The following PIF1 variants were observed in gnomAD, a reference collection of about 807,000 sequenced individuals.
The protein encoded by PIF1 is PIF1 5'-to-3' DNA helicase.
A neutral mutation model predicts 62.3 loss-of-function variants in PIF1; 67 were observed. That is an observed-to-expected ratio of 1.08 (90% CI 0.88 to 1.32). The LOEUF (loss-of-function observed/expected upper bound fraction) is 1.32. PIF1 is among the 40% of genes most tolerant of loss of function. The probability of loss-of-function intolerance (pLI) is 0.00; values close to 1 mark genes in which losing one functional copy is unlikely to be tolerated. For missense variants in PIF1, 886 were observed against 866.1 expected (o/e 1.02, Z -0.29); for synonymous variants, 364 against 379.5 (o/e 0.96, Z 0.47).
At chr15:64,819,782 C>CT (rs2084257253) in intron 8 of PIF1, 65 bp downstream of exon 8, 1 of 1,600,354 alleles carries the variant, frequency 6.2e-7, no homozygotes, top group African/African-American at 1.3e-5. Flanking sequence ...CCCAGGTTGC[C>CT]TGGGGGCTAC....
Position 64,816,756 on chromosome 15 carries a change from G to C in PIF1, c.1684C>G (p.Leu562Val), listed in dbSNP as rs773652317. 3 of 1,597,772 alleles carry C rather than the reference G, an allele frequency of 1.9e-6. No homozygotes were observed. The highest frequency in any genetic ancestry group is 1.3e-5 in the African/African-American group (1 of 74,254). ...CCCAGAGAAATCTCCACACAATCCAGGGTCATGCCCTGGGGGATGCAGGGA... is the reference window on the plus strand; with the variant it reads ...CCCAGAGAAATCTCCACACAATCCACGGTCATGCCCTGGGGGATGCAGGGA... Reference protein sequence around the residue: ...MSIHKSQGMTLDCVEISLGRV... With the variant: ...MSIHKSQGMTVDCVEISLGRV... The change falls in exon 12 of 13, where the codon CTG becomes GTG. Residue 562 changes from leucine (L) to valine (V), a missense_variant. Coordinates refer to ENST00000559239, the MANE Select transcript of PIF1 (RefSeq NM_001286496.2).
At position 64,819,962 on chromosome 15, in the gene PIF1, C is replaced by G. The variant is rs778372855; in HGVS notation, c.1218G>C (p.Gln406His). The G allele has an allele frequency of 3.7e-6, 6 of 1,613,956 alleles. No homozygotes were observed. The African/African-American group carries it at 8.0e-5, about 22-fold the overall frequency. The change falls in exon 8 of 13, where the codon CAG (glutamine) becomes CAC (histidine). Residue 406 changes from glutamine (Q) to histidine (H), a missense_variant. Physicochemically the swap from Gln to His is conservative, Grantham distance 24. Coordinates refer to ENST00000559239, the MANE Select transcript of PIF1 (RefSeq NM_001286496.2). ...CCTTGTGGGAAGCTGTGGCCTGGAG[C>G]TGGCGGGTCACCTCATCTGAACACC... ...LGRCSDEVTRQLQATASHKVG... is the reference protein window; with the variant it reads ...LGRCSDEVTRHLQATASHKVG...
At position 64,821,313 on chromosome 15, in the gene PIF1, C is replaced by T. The variant is rs375754360; in HGVS notation, c.972-32G>A. 3.0e-4 allele frequency: 487 copies of T among 1,613,992 alleles called. 1 individual carries two copies. The highest frequency in any genetic ancestry group is 4.0e-4 in the Non-Finnish European group (477 of 1,179,958). ...AGGAGCGTGGGGTGCTTTAGGGGCACACAGAAGACCACCAGGTCCCAGTTC... is the reference window on the plus strand; with the variant it reads ...AGGAGCGTGGGGTGCTTTAGGGGCATACAGAAGACCACCAGGTCCCAGTTC... On this transcript the variant is annotated intron_variant, in intron 5 of 12. Transcript: ENST00000559239.
chr15:64,821,245 G>A lies in PIF1; in HGVS notation c.1008C>T (p.Ile336=), dbSNP rs999642741. Residue 336 remains isoleucine, a synonymous_variant, in exon 6 of 13, where the codon ATC becomes ATT. Transcript: ENST00000559239. ...GAAAGTCCCCACAGATGATGAGCTG[G>A]ATCCCTCCGAATGGCTTGTTCTGCT... is the stretch of plus-strand genomic sequence containing the variant. ...VRQQNKPFGG[I]QLIICGDFLQ... 4 of 1,614,130 alleles carry A rather than the reference G, an allele frequency of 2.5e-6. No homozygotes were observed. The highest frequency in any genetic ancestry group is 8.5e-7 in the Non-Finnish European group (1 of 1,180,056).
intron 5 of PIF1, 31 bp from the exon 6 acceptor site, chr15:64,821,312 A>G: frequency 6.2e-7 from 1 of 1,614,112 alleles, no homozygotes; most frequent in Non-Finnish European, 8.5e-7. Flanking sequence ...CTTTAGGGGC[A>G]CACAGAAGAC....
At position 64,816,124 on chromosome 15, in the gene PIF1, T is replaced by G; in HGVS notation, c.*174A>C. The G allele has an allele frequency of 6.8e-7, 1 of 1,462,264 alleles. No individual in the cohort carries two copies. Among genetic ancestry groups the G allele is most frequent in the Non-Finnish European group, 9.0e-7 (1 of 1,112,962 alleles). The allele number at this position is 1,462,264 out of a possible 1,614,324, so 90.6% of individuals were successfully genotyped here. On this transcript the variant is annotated 3_prime_UTR_variant, in exon 13 of 13. Coordinates refer to ENST00000559239, the MANE Select transcript of PIF1 (RefSeq NM_001286496.2). ...GAGAGAAACTGAAGCACAGCTGGTA[T>G]ATGGGTTTAAAGTACTCTCCCTTTA...
chr15:64,816,551 A>C, intron 12 of PIF1, 23 bp downstream of exon 12: 3 of 1,611,010 alleles, frequency 1.9e-6, no homozygotes, highest in Non-Finnish European at 2.5e-6. Flanking sequence ...GCCACAGCCC[A>C]CCACTGGATG....
upstream of PIF1, among the ~76,000 whole-genome samples, chr15:64,826,657 T>C (rs1405187155): frequency 7.8e-4 from 36 of 46,176 alleles, 2 homozygotes; most frequent in African/African-American, 1.1e-3. Context: ...TATATATATA[T>C]ATATATATAC....
At chr15:64,821,982 C>T (rs900404460) in intron 4 of PIF1, 48 of 397,370 alleles carry the variant, frequency 1.2e-4, no homozygotes, top group African/African-American at 7.6e-4. Context: ...CCTTGTGATC[C>T]GCCTGCCTCG....
At chr15:64,821,565 CTTTTT>C (rs56305637) in intron 4 of PIF1, 45 bp from the exon 5 acceptor site, 123,786 of 1,209,090 alleles carry the variant, frequency 0.1, 197 homozygotes, top group Non-Finnish European at 0.11. Flanking sequence ...CAAAGCCTCT[CTTTTT>C]TTTTTTTTTT....
chr15:64,826,661 TATATACAC>T (rs1312057903), upstream of PIF1, among the ~76,000 whole-genome samples: 725 of 26,462 alleles, frequency 0.027, 9 homozygotes, highest in African/African-American at 0.071. Context: ...TATATATATA[TATATACAC>T]ACACACACAC....
chr15:64,819,725 A>G (rs1595814162), intron 8 of PIF1, 122 bp downstream of exon 8: 1 of 1,331,114 alleles, frequency 7.5e-7, no homozygotes, highest in East Asian at 2.4e-5. Flanking sequence ...ATTTGCAAAT[A>G]TGAGGGCCTT....
chr15:64,820,963 C>T lies in PIF1; in HGVS notation c.1193+19G>A, dbSNP rs1489163521. Reference sequence around the variant, plus strand: ...TGGATCCTCATCCCATAGCCCCTTCCCCAACCAGCAGAGCTCACCTGCCTA... The same window carrying T: ...TGGATCCTCATCCCATAGCCCCTTCTCCAACCAGCAGAGCTCACCTGCCTA... On this transcript the variant is annotated intron_variant, in intron 7 of 12. Coordinates refer to ENST00000559239, the MANE Select transcript of PIF1 (RefSeq NM_001286496.2). 1 of 1,608,570 alleles carries T rather than the reference C, an allele frequency of 6.2e-7. No individual in the cohort carries two copies. The highest frequency in any genetic ancestry group is 8.5e-7 in the Non-Finnish European group (1 of 1,176,124).
chr15:64,826,818 G>A (rs569753441), upstream of PIF1, among the ~76,000 whole-genome samples: 11 of 149,738 alleles, frequency 7.3e-5, no homozygotes, highest in East Asian at 5.9e-4. Context: ...CTCGAACTCC[G>A]GAGGTCAAAC....
chr15:64,818,192 C>G (rs55945924), intron 10 of PIF1, 65 bp downstream of exon 10: 2 of 1,609,236 alleles, frequency 1.2e-6, no homozygotes, highest in African/African-American at 2.7e-5. Flanking sequence ...TTTTCTCCCC[C>G]CACCATTCCC....
At chr15:64,825,389 AGT>A (rs1051510743) in intron 1 of PIF1, among the ~76,000 whole-genome samples, 178 bp downstream of exon 1, 10 of 152,164 alleles carry the variant, frequency 6.6e-5, no homozygotes, top group African/African-American at 2.4e-4. Flanking sequence ...AGTCAAAGTC[AGT>A]GTGATTCCCA....
rs1015428547 is a variant in PIF1, at chr15:64,824,030, C to G, written c.306G>C (p.Gln102His). ...CTGGGGGGCAGTCCGAGAGCAGCAG[C>G]TGCACTGCGCCGGCCCCGGGGGTGT... is the stretch of plus-strand genomic sequence containing the variant. ...AHDTPGAGAV[Q>H]LLLSDCPPDR... Residue 102 changes from glutamine (Q) to histidine (H), a missense_variant, in exon 2 of 13, where the codon CAG (glutamine) becomes CAC (histidine). By Grantham distance (24) the Gln-to-His change is conservative. Transcript: ENST00000559239. The G allele has an allele frequency of 5.5e-6, 7 of 1,275,402 alleles. No individual in the cohort carries two copies. The highest frequency in any genetic ancestry group is 6.9e-6 in the Non-Finnish European group (7 of 1,012,084). The allele number at this position is 1,275,402 out of a possible 1,614,324, so 79.0% of individuals were successfully genotyped here.
Position 64,818,311 on chromosome 15 carries a change from C to T in PIF1, c.1474G>A (p.Gly492Ser), listed in dbSNP as rs1466983848. The T allele has an allele frequency of 1.2e-6, 2 of 1,614,020 alleles. No homozygotes were observed. The highest frequency in any genetic ancestry group is 2.2e-5 in the East Asian group (1 of 44,886). Residue 492 changes from glycine (G) to serine (S), a missense_variant, in exon 10 of 13, where the codon GGC becomes AGC. Physicochemically the swap from Gly to Ser is moderately conservative, Grantham distance 56 (BLOSUM62 0). Coordinates refer to ENST00000559239, the MANE Select transcript of PIF1 (RefSeq NM_001286496.2). Reference protein sequence around the residue: ...MLVKNLSVSRGLVNGARGVVV... With the variant: ...MLVKNLSVSRSLVNGARGVVV... ...ACCCCTCGGGCACCATTCACCAGGC[C>T]CCGAGACACCGATAAGTTTTTCACC... is the stretch of plus-strand genomic sequence containing the variant.
At chr15:64,819,599 G>A (rs548721676) in intron 8 of PIF1, among the ~76,000 whole-genome samples, 2 of 152,244 alleles carry the variant, frequency 1.3e-5, no homozygotes, top group Non-Finnish European at 2.9e-5. Flanking sequence ...ATGACCCACC[G>A]CTCCCAGCCT....
Sources: allele counts gnomAD v4.1 joint callset (sites outside exome capture counted in the v4.1 genomes callset), GRCh38; gene constraint gnomAD v4.1.1; transcripts MANE v1.5; gene names NCBI Gene and HGNC (gene_info 2026-07-23, HGNC 2026-07-21).